CDKL4: variants seen among roughly 807,000 people sequenced by gnomAD.
The protein encoded by CDKL4 is cyclin dependent kinase like 4, also known as cyclin-dependent kinase-like 4.
A neutral mutation model predicts 42.0 loss-of-function variants in CDKL4; 44 were observed. The observed-to-expected ratio is 1.05, with a 90% confidence interval of 0.82 to 1.35. CDKL4 has a LOEUF of 1.35. Ranked by LOEUF, CDKL4 falls within the 40% of genes most tolerant of loss-of-function variation. The pLI, the probability that CDKL4 is intolerant of heterozygous loss-of-function variation, is 0.00. For synonymous variants in CDKL4, 120 were observed against 121.6 expected (o/e 0.99, Z 0.09); for missense variants, 393 against 369.9 (o/e 1.06, Z -0.51).
chr2:39,171,841 T>A (rs2148271210), downstream of CDKL4, among the ~76,000 whole-genome samples: 1 of 152,260 alleles, frequency 6.6e-6, no homozygotes, highest in Admixed American at 6.5e-5. Flanking sequence ...GATGGCGCAG[T>A]ATTTGGACAG....
intron 8 of CDKL4, among the ~76,000 whole-genome samples, chr2:39,181,199 T>G (rs1675420750): frequency 6.6e-6 from 1 of 152,230 alleles, no homozygotes; most frequent in African/African-American, 2.4e-5. Flanking sequence ...ACTTTGTTTC[T>G]CTTTGGCTTC....
intron 4 of CDKL4, among the ~76,000 whole-genome samples, chr2:39,211,299 A>C (rs1356599625): frequency 6.6e-6 from 1 of 152,092 alleles, no homozygotes; most frequent in Non-Finnish European, 1.5e-5. Flanking sequence ...GAAGTGGGAG[A>C]ATCACTTGAG....
chr2:39,228,939 G>C (rs1194632668), intron 2 of CDKL4, among the ~76,000 whole-genome samples: 1 of 152,144 alleles, frequency 6.6e-6, no homozygotes, highest in East Asian at 1.9e-4. Flanking sequence ...AAGAACCTGG[G>C]GTGCAGTGCA....
intron 5 of CDKL4, 80 bp from the exon 6 acceptor site, chr2:39,190,582 G>A: frequency 8.2e-7 from 1 of 1,216,680 alleles, no homozygotes; most frequent in South Asian, 1.2e-5. Flanking sequence ...AGGCATTCAG[G>A]CTGCAATAAC....
chr2:39,240,207 C>T (rs1264550419), intron 1 of CDKL4, among the ~76,000 whole-genome samples: 1 of 151,864 alleles, frequency 6.6e-6, no homozygotes, highest in African/African-American at 2.4e-5. Context: ...GTCAGGAGTT[C>T]GAGACCAGCC....
intron 1 of CDKL4, among the ~76,000 whole-genome samples, chr2:39,232,328 C>T (rs1262370467): frequency 6.6e-6 from 1 of 152,100 alleles, no homozygotes; most frequent in African/African-American, 2.4e-5. Context: ...CTGTAAATTC[C>T]TTTGTGGAAT....
At chr2:39,232,018 A>T (rs1371259727) in intron 1 of CDKL4, among the ~76,000 whole-genome samples, 1 of 152,262 alleles carries the variant, frequency 6.6e-6, no homozygotes, top group Non-Finnish European at 1.5e-5. Context: ...TATAAATATG[A>T]CAAGAAGCTT....
At chr2:39,175,789 T>C in exon 10 of CDKL4, 1 of 299,328 alleles carries the variant, frequency 3.3e-6, no homozygotes, top group South Asian at 3.1e-5. Context: ...GTTTTAGGCT[T>C]TATAACATTT....
At chr2:39,196,117 C>T (rs942741293) in intron 5 of CDKL4, among the ~76,000 whole-genome samples, 7 of 152,156 alleles carry the variant, frequency 4.6e-5, no homozygotes, top group South Asian at 2.1e-4. Flanking sequence ...CCTATGCTAC[C>T]GCAGCTGATG....
At chr2:39,216,702 G>A (rs186427961) in intron 3 of CDKL4, among the ~76,000 whole-genome samples, 391 of 152,250 alleles carry the variant, frequency 2.6e-3, no homozygotes, top group African/African-American at 7.7e-3. Flanking sequence ...GGAACAGAAC[G>A]CTAGTCTGGT....
At chr2:39,195,497 A>G (rs1035614901) in intron 5 of CDKL4, among the ~76,000 whole-genome samples, 1 of 152,190 alleles carries the variant, frequency 6.6e-6, no homozygotes, top group Non-Finnish European at 1.5e-5. Context: ...TTTAAAAATA[A>G]TAGTCATCCT....
chr2:39,169,382 G>A, the CDKL4 span, among the ~76,000 whole-genome samples: 19 of 152,204 alleles, frequency 1.2e-4, no homozygotes, highest in African/African-American at 4.3e-4. Context: ...CTAGTAGGGT[G>A]TAGTCGTGTG....
intron 5 of CDKL4, among the ~76,000 whole-genome samples, chr2:39,202,990 A>G (rs557329261): frequency 5.3e-4 from 81 of 152,330 alleles, no homozygotes; most frequent in South Asian, 2.1e-3. Flanking sequence ...TTATAATAAT[A>G]TGGCAAAAGG....
At chr2:39,179,641 G>T (rs1192522714) in intron 8 of CDKL4, among the ~76,000 whole-genome samples, 1 of 152,178 alleles carries the variant, frequency 6.6e-6, no homozygotes, top group Non-Finnish European at 1.5e-5. Context: ...ATAGTCCCTG[G>T]ACTAAAAACA....
intron 1 of CDKL4, among the ~76,000 whole-genome samples, chr2:39,231,626 C>T (rs1345593237): frequency 2.0e-5 from 3 of 152,028 alleles, no homozygotes; most frequent in South Asian, 2.1e-4. Flanking sequence ...TTCTGAAAGC[C>T]CTATTAGTTA....
intron 4 of CDKL4, 134 bp downstream of exon 4, chr2:39,213,266 G>A (rs1286660166): frequency 1.7e-6 from 1 of 578,620 alleles, no homozygotes; most frequent in Admixed American, 3.0e-5. Flanking sequence ...ATTACTGGCT[G>A]AACTTCCTTT....
intron 5 of CDKL4, among the ~76,000 whole-genome samples, chr2:39,198,365 G>A (rs1676645467): frequency 6.6e-6 from 1 of 151,528 alleles, no homozygotes; most frequent in South Asian, 2.1e-4. Context: ...TTAGACCTAA[G>A]AAATGAGATA....
At chr2:39,192,339 C>CTTATTTTTT (rs1308926930) in intron 5 of CDKL4, among the ~76,000 whole-genome samples, 1 of 152,104 alleles carries the variant, frequency 6.6e-6, no homozygotes, top group African/African-American at 2.4e-5. Context: ...TTGTTGGAGT[C>CTTATTTTTT]TTTTTCTTAT....
At chr2:39,225,957 A>G (rs1678686637) in exon 3 of CDKL4, 3 of 1,608,570 alleles carry the variant, frequency 1.9e-6, no homozygotes, top group Non-Finnish European at 2.5e-6. Flanking sequence ...GGATGTTTTA[A>G]TTGCTGTGAA....
Sources: gnomAD v4.1 joint callset for allele counts (sites outside exome capture counted in the v4.1 genomes callset) on GRCh38, gnomAD v4.1.1 for gene constraint, MANE v1.5 for transcripts, NCBI Gene and HGNC (gene_info 2026-07-23, HGNC 2026-07-21) for gene names.